The following FBXO16 variants were observed in gnomAD, a reference collection of about 807,000 sequenced individuals.
FBXO16 encodes the protein F-box only protein 16.
Under a neutral mutation model 41.0 loss-of-function variants are expected in FBXO16, and 31 were observed. The ratio of observed to expected loss-of-function variants is 0.76; its 90% confidence interval spans 0.57 to 1.02. FBXO16 has a LOEUF of 1.02. FBXO16 is among the 50% of genes least tolerant of loss of function. FBXO16 has a pLI of 0.00. For missense variants in FBXO16, 361 were observed against 346.2 expected, an observed-to-expected ratio of 1.04 and a Z score of -0.34; for synonymous variants, 133 against 117.8, an observed-to-expected ratio of 1.13 and a Z score of -0.84.
At chr8:28,464,645 G>A (rs1418185396) in intron 3 of FBXO16, among the ~76,000 whole-genome samples, 2 of 152,178 alleles carry the variant, frequency 1.3e-5, no homozygotes, top group Admixed American at 1.3e-4. Flanking sequence ...ATTCAGTACA[G>A]TTATTATAAA....
chr8:28,470,149 G>A (rs537018595), intron 3 of FBXO16, among the ~76,000 whole-genome samples: 51 of 151,674 alleles, frequency 3.4e-4, no homozygotes, highest in African/African-American at 1.2e-3. Context: ...AGCCGAGATC[G>A]TGCCACTGCA....
chr8:28,441,864 A>G (rs779272815), intron 7 of FBXO16, among the ~76,000 whole-genome samples: 5 of 146,086 alleles, frequency 3.4e-5, no homozygotes, highest in Non-Finnish European at 5.9e-5. Flanking sequence ...GTGTATATAT[A>G]TGTGTGTTTA....
chr8:28,446,176 C>CT (rs11421643), intron 7 of FBXO16, among the ~76,000 whole-genome samples: 33,374 of 82,074 alleles, frequency 0.41, 6,906 homozygotes, highest in Middle Eastern at 0.45. Context: ...TGCATTTTTC[C>CT]TTTTTTTTTT....
At chr8:28,488,584 C>A (rs1194999000) in intron 1 of FBXO16, among the ~76,000 whole-genome samples, 1 of 151,822 alleles carries the variant, frequency 6.6e-6, no homozygotes, top group Non-Finnish European at 1.5e-5. Flanking sequence ...ATTACAAAGG[C>A]GAGCCACTAC....
chr8:28,476,067 T>C (rs915211409), intron 2 of FBXO16, among the ~76,000 whole-genome samples: 1 of 152,154 alleles, frequency 6.6e-6, no homozygotes, highest in African/African-American at 2.4e-5. Context: ...TGCTTTGGTC[T>C]GACTACAGGA....
chr8:28,476,936 C>T (rs1803432529), intron 2 of FBXO16, among the ~76,000 whole-genome samples: 1 of 152,154 alleles, frequency 6.6e-6, no homozygotes, highest in South Asian at 2.1e-4. Context: ...GGAAATTATC[C>T]TATCCGTCAT....
intron 5 of FBXO16, 117 bp downstream of exon 5, chr8:28,456,649 T>A (rs1237422297): frequency 8.7e-7 from 1 of 1,144,734 alleles, no homozygotes; most frequent in Admixed American, 2.1e-5. Context: ...GAAATCATAG[T>A]ATATGTCCTT....
intron 3 of FBXO16, among the ~76,000 whole-genome samples, chr8:28,466,652 G>A (rs979718002): frequency 3.3e-5 from 5 of 151,896 alleles, no homozygotes; most frequent in Admixed American, 6.6e-5. Context: ...AAAATTAGCC[G>A]GGCATGGTGG....
chr8:28,443,035 T>C (rs1165804212), intron 7 of FBXO16, among the ~76,000 whole-genome samples: 4 of 151,598 alleles, frequency 2.6e-5, no homozygotes, highest in African/African-American at 9.7e-5. Flanking sequence ...TTTTTTTTTT[T>C]TTAGGTAGGG....
intron 4 of FBXO16, among the ~76,000 whole-genome samples, chr8:28,458,848 T>G (rs1418042100): frequency 1.3e-5 from 2 of 152,200 alleles, no homozygotes; most frequent in African/African-American, 4.8e-5. Context: ...TTATTTTGTT[T>G]GTTTAAAGGT....
At chr8:28,472,900 T>G (rs529749184) in intron 3 of FBXO16, among the ~76,000 whole-genome samples, 1 of 152,340 alleles carries the variant, frequency 6.6e-6, no homozygotes, top group South Asian at 2.1e-4. Context: ...CAGGATCACT[T>G]AACTCTTGAC....
intron 2 of FBXO16, 146 bp from the exon 3 acceptor site, chr8:28,473,953 A>G: frequency 1.6e-6 from 1 of 620,816 alleles, no homozygotes; most frequent in Non-Finnish European, 2.8e-6. Flanking sequence ...CTGAGGTTAT[A>G]TATTTTTACC....
rs930657527 is a variant in FBXO16 at position 28,428,590 on chromosome 8, G to A, written c.*137C>T. The A allele has an allele frequency of 3.7e-5, 58 of 1,550,970 alleles. No homozygotes were observed. The highest frequency in any genetic ancestry group is 4.8e-5 in the Non-Finnish European group (55 of 1,146,960). ...TCCACTTTGGCTCTGGAACCTGGAT[G>A]AGTCATGCTTGGGGCCCAGGGTGCC... is the stretch of plus-strand genomic sequence containing the variant. On this transcript the variant is annotated 3_prime_UTR_variant, in exon 9 of 9. Coordinates refer to ENST00000380254, the MANE Select transcript of FBXO16 (RefSeq NM_172366.4).
chr8:28,476,128 C>T (rs6982045), intron 2 of FBXO16, among the ~76,000 whole-genome samples: 4,397 of 152,176 alleles, frequency 0.029, 224 homozygotes, highest in African/African-American at 0.099. Flanking sequence ...GCATGGTGTC[C>T]AATGATGGTG....
intron 7 of FBXO16, among the ~76,000 whole-genome samples, chr8:28,436,597 G>A (rs76727813): frequency 6.6e-6 from 1 of 152,128 alleles, no homozygotes; most frequent in Non-Finnish European, 1.5e-5. Context: ...AATAGGTAGG[G>A]ATGGTGCAAA....
chr8:28,461,353 C>G (rs1014466333), intron 4 of FBXO16, among the ~76,000 whole-genome samples: 5 of 152,090 alleles, frequency 3.3e-5, no homozygotes, highest in African/African-American at 1.2e-4. Context: ...TATTTATCTA[C>G]CAGCAATATA....
chr8:28,453,210 AG>A (rs1418746637), intron 5 of FBXO16, among the ~76,000 whole-genome samples: 2 of 149,480 alleles, frequency 1.3e-5, no homozygotes, highest in African/African-American at 5.1e-5. Context: ...AAAAGTAGTA[AG>A]TTGGAGGGCC....
chr8:28,477,869 G>A (rs945924363), intron 2 of FBXO16, among the ~76,000 whole-genome samples: 15 of 152,066 alleles, frequency 9.9e-5, no homozygotes, highest in African/African-American at 3.6e-4. Flanking sequence ...CAAATTAGCC[G>A]GGCATGGTGG....
chr8:28,449,969 C>CAAAAAAAA (rs146418264), intron 6 of FBXO16, among the ~76,000 whole-genome samples: 1 of 100,956 alleles, frequency 9.9e-6, no homozygotes, highest in Admixed American at 1.1e-4. Context: ...AAGACTGTCT[C>CAAAAAAAA]AAAAAAAAAA....
Sources: allele counts gnomAD v4.1 joint callset (sites outside exome capture counted in the v4.1 genomes callset), GRCh38; gene constraint gnomAD v4.1.1; transcripts MANE v1.5; gene names NCBI Gene and HGNC (gene_info 2026-07-23, HGNC 2026-07-21).